ACSL1: variants seen among roughly 807,000 people sequenced by gnomAD.
ACSL1 encodes the protein acyl-CoA synthetase long chain family member 1.
A neutral mutation model predicts 98.4 loss-of-function variants in ACSL1; 41 were observed. The ratio of observed to expected loss-of-function variants is 0.42; its 90% CI spans 0.32 to 0.54. The LOEUF (loss-of-function observed/expected upper bound fraction) is 0.54, where lower values mean the gene tolerates loss of function less well. Among genes scored for constraint, ACSL1 ranks in the 20% least tolerant of loss-of-function variants. The probability of loss-of-function intolerance (pLI) is 0.13; values close to 1 mark genes in which losing one functional copy is unlikely to be tolerated. For missense variants in ACSL1, 734 were observed against 883.1 expected (o/e 0.83, Z 2.14); for synonymous variants, 316 against 322.7 (o/e 0.98, Z 0.22).
chr4:184,768,075 A>T (rs1027869524), intron 12 of ACSL1: 5 of 488,468 alleles, frequency 1.0e-5, no homozygotes, highest in Non-Finnish European at 1.8e-5. Context: ...GACCTCCCAC[A>T]TTATGCTTGT....
intron 12 of ACSL1, 159 bp downstream of exon 12, chr4:184,768,157 A>C: frequency 2.8e-6 from 2 of 712,178 alleles, no homozygotes; most frequent in Non-Finnish European, 4.4e-6. Flanking sequence ...TCTGAGAGGT[A>C]AACGCATTCT....
chr4:184,810,075 A>G (rs955472292), intron 1 of ACSL1, among the ~76,000 whole-genome samples: 4 of 152,246 alleles, frequency 2.6e-5, no homozygotes, highest in Non-Finnish European at 5.9e-5. Context: ...ATTTTGTCCT[A>G]TGGGTCCACA....
chr4:184,796,598 C>T (rs557338694), intron 2 of ACSL1, among the ~76,000 whole-genome samples: 42 of 152,300 alleles, frequency 2.8e-4, no homozygotes, highest in South Asian at 2.1e-4. Flanking sequence ...AACACTGACC[C>T]GGAATCTGCA....
Position 184,773,751 on chromosome 4 carries a change from G to A in ACSL1, c.790-37C>T, listed in dbSNP as rs1457220689. ...AAAAAAAAAAAGCTGGTATAAATCA[G>A]AACAGAAAAGAGAACTATAAGCCAC... is the stretch of plus-strand genomic sequence containing the variant. On this transcript the variant is annotated intron_variant, in intron 8 of 20. Coordinates refer to ENST00000281455, the MANE Select transcript of ACSL1 (RefSeq NM_001995.5). The surrounding 1 kb of genome is among the most constrained non-coding windows in gnomAD (Gnocchi z 4.3). 1 of 1,604,126 alleles carries A rather than the reference G, an allele frequency of 6.2e-7. No individual in the cohort carries two copies. Among genetic ancestry groups the A allele is most frequent in the South Asian group, 1.1e-5 (1 of 89,448 alleles).
chr4:184,757,979 T>G lies in ACSL1; in HGVS notation c.1783-59A>C. 6.6e-7 allele frequency: 1 copy of G among 1,508,384 alleles called. No homozygotes were observed. The highest frequency in any genetic ancestry group is 9.2e-7 in the Non-Finnish European group (1 of 1,089,906). 93.4% of individuals were successfully genotyped at this position (1,508,384 alleles called of 1,614,324 possible). A position where few individuals can be genotyped will look rare whatever the true frequency, so the allele number is the denominator to read the frequency against. Reference sequence around the variant, plus strand: ...TGATCCAAATGCTCTAAAATAGTGGTTCTTTATTTTTCCATCTTGTGGCCC... The same window carrying G: ...TGATCCAAATGCTCTAAAATAGTGGGTCTTTATTTTTCCATCTTGTGGCCC... On this transcript the variant is annotated intron_variant, in intron 18 of 20. Transcript: ENST00000281455. The surrounding 1 kb of genome is among the most constrained non-coding windows in gnomAD (Gnocchi z 4.5).
chr4:184,781,650 C>T (rs539303665), intron 4 of ACSL1, among the ~76,000 whole-genome samples: 1 of 151,746 alleles, frequency 6.6e-6, no homozygotes, highest in South Asian at 2.1e-4. Context: ...ACTCTGTTGC[C>T]CAAGCTGGAG....
chr4:184,820,312 C>G (rs1309301265), intron 1 of ACSL1, among the ~76,000 whole-genome samples: 1 of 152,064 alleles, frequency 6.6e-6, no homozygotes, highest in African/African-American at 2.4e-5. Context: ...CCACTGCACC[C>G]GGCCAGTCAT....
At chr4:184,819,841 T>C (rs1258968821) in intron 1 of ACSL1, among the ~76,000 whole-genome samples, 2 of 152,152 alleles carry the variant, frequency 1.3e-5, no homozygotes, top group African/African-American at 2.4e-5. Context: ...CCTGCCCCTC[T>C]TCCTAACAAA....
chr4:184,820,157 A>G (rs1267645696), intron 1 of ACSL1, among the ~76,000 whole-genome samples: 2 of 152,104 alleles, frequency 1.3e-5, no homozygotes, highest in Non-Finnish European at 2.9e-5. Flanking sequence ...AGCTGGGACT[A>G]CAGGTGCCCA....
rs1395003843 is a variant in ACSL1, at chr4:184,777,866, C to A, written c.478-883G>T. On this transcript the variant is annotated intron_variant, in intron 5 of 20. Coordinates refer to ENST00000281455, the MANE Select transcript of ACSL1 (RefSeq NM_001995.5). ...GGATCAAAAGCAGGGGTAGTGAGAGCGATCTGACTGGCACAGATGGTTCTG... is the reference window on the plus strand; with the variant it reads ...GGATCAAAAGCAGGGGTAGTGAGAGAGATCTGACTGGCACAGATGGTTCTG... 2.6e-5 allele frequency among the ~76,000 whole-genome samples: 4 copies of A among 152,178 alleles called. No homozygotes were observed. In the East Asian group the frequency reaches 7.7e-4, roughly 29 times the overall value.
At chr4:184,823,720 C>A (rs1054012404) in intron 1 of ACSL1, among the ~76,000 whole-genome samples, 4 of 152,212 alleles carry the variant, frequency 2.6e-5, no homozygotes, top group African/African-American at 9.6e-5. Context: ...GGCAGCAACT[C>A]TGAGATAGTC....
chr4:184,773,026 T>C lies in ACSL1; in HGVS notation c.915+55A>G. ...TGGTGCCCACCTTCAGCACTTTCATTCTCAAGGACTAATGTCAATCAATGA... is the reference window on the plus strand; with the variant it reads ...TGGTGCCCACCTTCAGCACTTTCATCCTCAAGGACTAATGTCAATCAATGA... On this transcript the variant is annotated intron_variant, in intron 10 of 20. Transcript: ENST00000281455. This position sits in a 1 kb window ranked among gnomAD's most constrained non-coding sequence, Gnocchi z 4.3. 1 of 1,543,120 alleles carries C rather than the reference T, an allele frequency of 6.5e-7. No homozygotes were observed. Among genetic ancestry groups the C allele is most frequent in the Non-Finnish European group, 8.9e-7 (1 of 1,117,674 alleles).
At chr4:184,815,758 G>C (rs958660662) in intron 1 of ACSL1, among the ~76,000 whole-genome samples, 1 of 152,102 alleles carries the variant, frequency 6.6e-6, no homozygotes, top group Non-Finnish European at 1.5e-5. Context: ...AGCCTCTCAC[G>C]AGTTTGGAGA....
In ACSL1 at chr4:184,784,930, T is replaced by C. The variant is rs1020952503; in HGVS notation, c.311-939A>G. Among the ~76,000 whole-genome samples the C allele has an allele frequency of 9.9e-5, 15 of 152,264 alleles. No homozygotes were observed. In the East Asian group the frequency reaches 2.9e-3, roughly 29 times the overall value. On this transcript the variant is annotated intron_variant, in intron 3 of 20. Coordinates refer to ENST00000281455, the MANE Select transcript of ACSL1 (RefSeq NM_001995.5). ...TTTACAGAGACTGTAACAAGCACCA[T>C]ACAAGATGAGTCCAATCAGATGTTG...
intron 1 of ACSL1, among the ~76,000 whole-genome samples, chr4:184,813,259 A>C (rs1772301595): frequency 6.6e-6 from 1 of 152,166 alleles, no homozygotes; most frequent in African/African-American, 2.4e-5. Context: ...CTATGAGAAG[A>C]AAGATGATTC....
At chr4:184,816,334 A>G (rs150479761) in intron 1 of ACSL1, among the ~76,000 whole-genome samples, 4 of 152,256 alleles carry the variant, frequency 2.6e-5, no homozygotes, top group African/African-American at 9.6e-5. Context: ...GGGAAGGAGA[A>G]GAGAGGTACT....
chr4:184,778,530 G>T (rs542244473), intron 5 of ACSL1, among the ~76,000 whole-genome samples: 1 of 152,218 alleles, frequency 6.6e-6, no homozygotes, highest in Admixed American at 6.5e-5. Flanking sequence ...ATTCTACTCA[G>T]GTGCCACCTC....
chr4:184,765,675 G>C (rs187461161), intron 14 of ACSL1, among the ~76,000 whole-genome samples: 7 of 152,124 alleles, frequency 4.6e-5, no homozygotes, highest in African/African-American at 7.2e-5. Flanking sequence ...AAAAAGTATG[G>C]GTGGTAAGAC....
intron 5 of ACSL1, 55 bp downstream of exon 5, chr4:184,780,277 T>C: frequency 6.9e-7 from 1 of 1,440,006 alleles, no homozygotes; most frequent in Non-Finnish European, 9.7e-7. Context: ...GAAGTTAGGC[T>C]CTTATATCTG....
Sources: allele counts gnomAD v4.1 joint callset (sites outside exome capture counted in the v4.1 genomes callset), GRCh38; gene constraint gnomAD v4.1.1; non-coding constraint Gnocchi (gnomAD v3.1); transcripts MANE v1.5; gene names NCBI Gene and HGNC (gene_info 2026-07-23, HGNC 2026-07-21).